The following BICDL1 variants were observed in gnomAD, a reference collection of about 807,000 sequenced individuals.
BICDL1 encodes BICD family like cargo adaptor 1.
In BICDL1, 20 loss-of-function variants were observed where a neutral mutation model predicts 76.8. That is an observed-to-expected ratio of 0.26 (90% CI 0.18 to 0.38). The LOEUF is 0.38. Ranked by LOEUF, BICDL1 falls within the 10% of genes least tolerant of loss-of-function variation. The pLI is 1.00. For synonymous variants in BICDL1, 383 were observed against 337.1 expected (o/e 1.14, Z -1.49); for missense variants, 700 against 798.6 (o/e 0.88, Z 1.49).
chr12:119,997,930 A>G (rs1342571060), intron 1 of BICDL1, among the ~76,000 whole-genome samples: 1 of 152,164 alleles, frequency 6.6e-6, no homozygotes, highest in Non-Finnish European at 1.5e-5. Context: ...CCTGGGCAAC[A>G]TTGTAAAACC....
At chr12:120,048,823 A>AT (rs1201464412) in intron 2 of BICDL1, among the ~76,000 whole-genome samples, 7 of 150,492 alleles carry the variant, frequency 4.7e-5, no homozygotes, top group Non-Finnish European at 8.9e-5. Context: ...TTTTGTTGAC[A>AT]TTTTTTTTTA....
At chr12:120,038,924 T>C (rs1952577706) in intron 2 of BICDL1, among the ~76,000 whole-genome samples, 1 of 152,198 alleles carries the variant, frequency 6.6e-6, no homozygotes, top group Non-Finnish European at 1.5e-5. Context: ...TTAATTCCAC[T>C]TGCATCTAGA....
intron 2 of BICDL1, among the ~76,000 whole-genome samples, chr12:120,017,688 C>G (rs946576358): frequency 1.3e-5 from 2 of 151,748 alleles, no homozygotes; most frequent in Non-Finnish European, 1.5e-5. Flanking sequence ...GCTATGATTA[C>G]ACCACTGTAC....
chr12:120,042,674 G>A lies in BICDL1; in HGVS notation c.646-19036G>A, dbSNP rs991881848. Among the ~76,000 whole-genome samples the A allele has an allele frequency of 2.6e-5, 4 of 151,918 alleles. No individual in the cohort carries two copies. In the South Asian group the frequency reaches 6.2e-4, roughly 24 times the overall value. ...ACAAAAATTAGCTGCGTTTGGTGGCGGGTGCCTGTAATCCCAGCTACTCAG... is the reference window on the plus strand; with the variant it reads ...ACAAAAATTAGCTGCGTTTGGTGGCAGGTGCCTGTAATCCCAGCTACTCAG... On this transcript the variant is annotated intron_variant, in intron 2 of 9. Transcript: ENST00000548673.
rs184848148 is a variant in BICDL1, at chr12:120,042,794, G to A, written c.646-18916G>A. On this transcript the variant is annotated intron_variant, in intron 2 of 9. Coordinates refer to ENST00000548673, the MANE Select transcript of BICDL1 (RefSeq NM_001367886.1). ...CGCTCCAGCCTGGGCGACAGAGCGAGACTCCCCCTCAAAAAAAAAAAAAAA... is the reference window on the plus strand; with the variant it reads ...CGCTCCAGCCTGGGCGACAGAGCGAAACTCCCCCTCAAAAAAAAAAAAAAA... 9.4e-4 allele frequency among the ~76,000 whole-genome samples: 136 copies of A among 145,262 alleles called. 1 individual carries two copies. Among genetic ancestry groups the A allele is most frequent in the South Asian group, 1.6e-3 (7 of 4,306 alleles).
chr12:120,081,119 G>C, intron 8 of BICDL1, 102 bp downstream of exon 8: 1 of 1,274,036 alleles, frequency 7.8e-7, no homozygotes, highest in Non-Finnish European at 1.1e-6. Context: ...AGAATACAAA[G>C]GTAAAAGTTA....
At chr12:119,998,120 C>T (rs1951688528) in intron 1 of BICDL1, among the ~76,000 whole-genome samples, 1 of 152,026 alleles carries the variant, frequency 6.6e-6, no homozygotes, top group South Asian at 2.1e-4. Flanking sequence ...GCACTCCAGC[C>T]TGGGCGACAG....
chr12:120,005,136 A>C (rs958082739), intron 2 of BICDL1, among the ~76,000 whole-genome samples: 7 of 152,088 alleles, frequency 4.6e-5, no homozygotes, highest in Non-Finnish European at 5.9e-5. Flanking sequence ...TAGATTTTTA[A>C]ATTTTAAAAA....
chr12:120,090,887 C>T (rs1432702565), intron 9 of BICDL1: 1 of 1,288,832 alleles, frequency 7.8e-7, no homozygotes, highest in Non-Finnish European at 1.0e-6. Flanking sequence ...GACCGCTGCT[C>T]TCTCTCTTCT....
intron 8 of BICDL1, among the ~76,000 whole-genome samples, chr12:120,082,239 T>C (rs1874049108): frequency 6.6e-6 from 1 of 151,918 alleles, no homozygotes; most frequent in Non-Finnish European, 1.5e-5. Flanking sequence ...CTCTGTCCCT[T>C]ATATTTCCAA....
At chr12:120,054,457 A>G (rs969594254) in intron 2 of BICDL1, among the ~76,000 whole-genome samples, 1 of 152,136 alleles carries the variant, frequency 6.6e-6, no homozygotes, top group Non-Finnish European at 1.5e-5. Flanking sequence ...AAGTTTTTCT[A>G]CCACTACGCC....
In BICDL1 at chr12:120,094,444, A is replaced by G; in HGVS notation, c.*1283A>G. 3.1e-6 allele frequency: 1 copy of G among 318,610 alleles called. No homozygotes were observed. Among genetic ancestry groups the G allele is most frequent in the Non-Finnish European group, 6.4e-6 (1 of 156,782 alleles). The allele number at this position is 318,610 out of a possible 1,614,324, so 19.7% of individuals were successfully genotyped here. On this transcript the variant is annotated 3_prime_UTR_variant, in exon 10 of 10. Coordinates refer to ENST00000548673, the MANE Select transcript of BICDL1 (RefSeq NM_001367886.1). ...CATATTTTTAGAAAAACAGCACACC[A>G]CTGCTTCTTTTGAAAATAGTCTGAA...
In BICDL1 at chr12:120,072,934, A is replaced by C. The variant is rs1873222953; in HGVS notation, c.1308+205A>C. Among the ~76,000 whole-genome samples, 3 of 152,166 alleles carry C rather than the reference A, an allele frequency of 2.0e-5. No homozygotes were observed. In the South Asian group the frequency reaches 6.2e-4, roughly 32 times the overall value. ...TACCCCGGCTGGAGTGAGGTGGCAC[A>C]ATCTCGGCTCACTGCAACCTCTGCC... On this transcript the variant is annotated intron_variant, in intron 6 of 9. Transcript: ENST00000548673.
Position 120,064,896 on chromosome 12 carries a change from G to C in BICDL1, c.909+17G>C, listed in dbSNP as rs1405135034. ...GACCTACAGGTACTGGGGTAGAGAA[G>C]CTGTCCTGCAGGACTAGAGCCAGAT... is the stretch of plus-strand genomic sequence containing the variant. On this transcript the variant is annotated intron_variant, in intron 4 of 9. Transcript: ENST00000548673. The C allele has an allele frequency of 6.3e-7, 1 of 1,593,720 alleles. No homozygotes were observed. The highest frequency in any genetic ancestry group is 1.4e-5 in the African/African-American group (1 of 73,416).
chr12:120,027,431 ATATAT>A lies in BICDL1; in HGVS notation c.645+28698_645+28702del, dbSNP rs1952329884. Among the ~76,000 whole-genome samples, 3 of 152,164 alleles carry A rather than the reference ATATAT, an allele frequency of 2.0e-5. No homozygotes were observed. The South Asian group carries it at 6.2e-4, about 32-fold the overall frequency. ...AAATGCTTAGTAATAACATTTTTTA[ATATAT>A]TAAATCTCATTTGAGATTGAAAATG... On this transcript the variant is annotated intron_variant, in intron 2 of 9. Coordinates refer to ENST00000548673, the MANE Select transcript of BICDL1 (RefSeq NM_001367886.1).
chr12:120,042,843 G>A (rs1232048065), intron 2 of BICDL1, among the ~76,000 whole-genome samples: 3 of 151,682 alleles, frequency 2.0e-5, no homozygotes, highest in Non-Finnish European at 4.4e-5. Flanking sequence ...AGTCAGAGGA[G>A]AGGTCAGGGC....
At position 119,998,690 on chromosome 12, in the gene BICDL1, A is replaced by G; in HGVS notation, c.599A>G (p.Gln200Arg). The G allele has an allele frequency of 2.5e-6, 4 of 1,614,202 alleles. No individual in the cohort carries two copies. Among genetic ancestry groups the G allele is most frequent in the Non-Finnish European group, 3.4e-6 (4 of 1,180,028 alleles). Residue 200 changes from glutamine (Q) to arginine (R), a missense_variant, in exon 2 of 10, where the codon CAG becomes CGG. Physicochemically the swap from Gln to Arg is conservative, Grantham distance 43. Transcript: ENST00000548673. ...EADREKSRAV[Q>R]ELSEQNQRLL... ...GATCGAGAAAAATCACGGGCTGTCCAGGAACTGTCGGAACAGAACCAAAGG... is the reference window on the plus strand; with the variant it reads ...GATCGAGAAAAATCACGGGCTGTCCGGGAACTGTCGGAACAGAACCAAAGG...
Position 120,028,227 on chromosome 12 carries a change from ATCT to A in BICDL1, c.645+29495_645+29497del, listed in dbSNP as rs958550374. ...TTTATCAGAAATACTGGTTTGGTAG[ATCT>A]TCTCCAAGTTTCATTTTTACTCGAG... On this transcript the variant is annotated intron_variant, in intron 2 of 9. Transcript: ENST00000548673. 3.3e-5 allele frequency among the ~76,000 whole-genome samples: 5 copies of A among 152,196 alleles called. 1 individual carries two copies. The highest frequency in any genetic ancestry group is 2.6e-4 in the Admixed American group (4 of 15,276).
At chr12:120,054,012 A>C (rs767336047) in intron 2 of BICDL1, among the ~76,000 whole-genome samples, 3 of 151,644 alleles carry the variant, frequency 2.0e-5, no homozygotes, top group Non-Finnish European at 4.4e-5. Context: ...GTCTCTACTA[A>C]AAATATAAAA....
Sources: allele counts gnomAD v4.1 joint callset (sites outside exome capture counted in the v4.1 genomes callset), GRCh38; gene constraint gnomAD v4.1.1; transcripts MANE v1.5; gene names NCBI Gene and HGNC (gene_info 2026-07-23, HGNC 2026-07-21).